The following KIAA1671 variants were observed in gnomAD, a reference collection of about 807,000 sequenced individuals.
KIAA1671 encodes uncharacterized protein KIAA1671.
A neutral mutation model predicts 131.2 loss-of-function variants in KIAA1671; 52 were observed. That is an observed-to-expected ratio of 0.40 (90% CI 0.32 to 0.50). The LOEUF is 0.50. Among genes scored for constraint, KIAA1671 ranks in the 20% least tolerant of loss-of-function variants. KIAA1671 has a pLI of 0.73. For synonymous variants in KIAA1671, 1,003 were observed against 961.6 expected (o/e 1.04, Z -0.80); for missense variants, 2,360 against 2,364.2 (o/e 1.00, Z 0.04).
At position 25,093,908 on chromosome 22, in the gene KIAA1671, TCTGCTC is replaced by T. The variant is rs1259718182; in HGVS notation, c.4530+44548_4530+44553del. Among the ~76,000 whole-genome samples the T allele has an allele frequency of 3.6e-4, 50 of 139,098 alleles. 1 individual carries two copies. The highest frequency in any genetic ancestry group is 1.2e-3 in the African/African-American group (44 of 37,442). 91.3% of individuals were successfully genotyped at this position (139,098 alleles called of 152,430 possible). A position where few individuals can be genotyped will look rare whatever the true frequency, so the allele number is the denominator to read the frequency against. ...TCTCCCTTCTGCTTCTGCTTCTGCT[TCTGCTC>T]CTGACAGTGATGCTGGTTTGCAGGC... On this transcript the variant is annotated intron_variant, in intron 6 of 12. Transcript: ENST00000358431.
At chr22:25,067,146 C>T (rs1005062436) in intron 6 of KIAA1671, among the ~76,000 whole-genome samples, 2 of 152,104 alleles carry the variant, frequency 1.3e-5, no homozygotes, top group African/African-American at 4.8e-5. Flanking sequence ...CTGACCACCT[C>T]TGGTTGGGAG....
At chr22:25,072,839 G>C (rs1009374693) in intron 6 of KIAA1671, among the ~76,000 whole-genome samples, 1 of 152,172 alleles carries the variant, frequency 6.6e-6, no homozygotes, top group African/African-American at 2.4e-5. Flanking sequence ...GCCACCGTCA[G>C]ATTTGGTGAC....
At chr22:25,131,879 G>A (rs1206150050) in intron 6 of KIAA1671, among the ~76,000 whole-genome samples, 4 of 152,234 alleles carry the variant, frequency 2.6e-5, no homozygotes, top group African/African-American at 9.6e-5. Flanking sequence ...CTCTGAAGGG[G>A]ATGGCCGGGG....
At chr22:25,156,517 G>A (rs1229561953) in intron 6 of KIAA1671, among the ~76,000 whole-genome samples, 1 of 151,714 alleles carries the variant, frequency 6.6e-6, no homozygotes, top group African/African-American at 2.4e-5. Flanking sequence ...GTATTTGTGT[G>A]TATATATGTG....
intron 6 of KIAA1671, among the ~76,000 whole-genome samples, chr22:25,112,990 G>T (rs1175573959): frequency 6.6e-6 from 1 of 151,992 alleles, no homozygotes; most frequent in Non-Finnish European, 1.5e-5. Context: ...TGGGTTTGGT[G>T]TGAGTGGGCC....
chr22:25,066,185 G>T (rs1213880930), intron 6 of KIAA1671, among the ~76,000 whole-genome samples: 3 of 152,112 alleles, frequency 2.0e-5, no homozygotes, highest in African/African-American at 7.2e-5. Context: ...GTCTGGCTCT[G>T]TCATCCAGGC....
chr22:25,034,723 T>A (rs973726002), intron 4 of KIAA1671, among the ~76,000 whole-genome samples: 1 of 151,958 alleles, frequency 6.6e-6, no homozygotes, highest in Non-Finnish European at 1.5e-5. Context: ...TTTTCTTTTT[T>A]AATTTTTTAA....
intron 1 of KIAA1671, among the ~76,000 whole-genome samples, chr22:24,972,297 C>T (rs1922659692): frequency 6.6e-6 from 1 of 152,176 alleles, no homozygotes; most frequent in Admixed American, 6.5e-5. Context: ...AAACAGTGCT[C>T]ATGAGAGATC....
chr22:25,151,406 G>GT (rs1933035502), intron 6 of KIAA1671, among the ~76,000 whole-genome samples: 1 of 145,004 alleles, frequency 6.9e-6, no homozygotes, highest in Non-Finnish European at 1.5e-5. Context: ...ACAAAGTCCA[G>GT]TTATACAACA....
chr22:25,031,706 T>G (rs1326519049), intron 3 of KIAA1671, among the ~76,000 whole-genome samples: 1 of 152,138 alleles, frequency 6.6e-6, no homozygotes, highest in East Asian at 1.9e-4. Context: ...AATTAAGATA[T>G]CAGAGAAGGA....
At chr22:25,134,128 C>A (rs111658382) in intron 6 of KIAA1671, among the ~76,000 whole-genome samples, 2 of 152,354 alleles carry the variant, frequency 1.3e-5, no homozygotes, top group African/African-American at 4.8e-5. Context: ...TTGCTGCCCT[C>A]CCCTGTGACT....
chr22:25,082,246 T>G (rs1356987030), intron 6 of KIAA1671, among the ~76,000 whole-genome samples: 1 of 152,184 alleles, frequency 6.6e-6, no homozygotes, highest in East Asian at 1.9e-4. Flanking sequence ...TTGAAATGCA[T>G]TAACTTATCT....
intron 10 of KIAA1671, among the ~76,000 whole-genome samples, chr22:25,182,341 CT>C (rs1934321333): frequency 1.4e-5 from 1 of 73,846 alleles, no homozygotes. Flanking sequence ...TCTTTCTTTC[CT>C]CCCTCCCTTT....
intron 6 of KIAA1671, among the ~76,000 whole-genome samples, chr22:25,106,006 A>C (rs938043069): frequency 6.6e-6 from 1 of 152,246 alleles, no homozygotes; most frequent in African/African-American, 2.4e-5. Context: ...AATGCCTGGC[A>C]CATAGTAAGT....
chr22:25,083,783 G>A (rs746545163), intron 6 of KIAA1671, among the ~76,000 whole-genome samples: 12 of 152,194 alleles, frequency 7.9e-5, no homozygotes, highest in Non-Finnish European at 1.3e-4. Flanking sequence ...GCCTAGATTG[G>A]AAAAGACCCA....
intron 6 of KIAA1671, among the ~76,000 whole-genome samples, chr22:25,167,924 C>T (rs897357860): frequency 1.3e-5 from 2 of 152,262 alleles, no homozygotes; most frequent in African/African-American, 2.4e-5. Flanking sequence ...GTCAAGTTTG[C>T]GCCTGTGCCC....
At chr22:24,997,044 C>T (rs775904738) in intron 1 of KIAA1671, among the ~76,000 whole-genome samples, 1 of 152,238 alleles carries the variant, frequency 6.6e-6, no homozygotes, top group Non-Finnish European at 1.5e-5. Context: ...CATTCTTACC[C>T]TCCATGCAGT....
chr22:25,150,323 C>T (rs1601359040), intron 6 of KIAA1671, among the ~76,000 whole-genome samples: 1 of 152,220 alleles, frequency 6.6e-6, no homozygotes, highest in Non-Finnish European at 1.5e-5. Context: ...GGCAGCAGAA[C>T]CCCTGGATTC....
intron 6 of KIAA1671, among the ~76,000 whole-genome samples, chr22:25,069,066 G>C (rs1928664524): frequency 6.6e-6 from 1 of 152,156 alleles, no homozygotes; most frequent in Non-Finnish European, 1.5e-5. Flanking sequence ...GGATCCAGGA[G>C]CGTCTGGCTT....
Sources: gnomAD v4.1 joint callset for allele counts (sites outside exome capture counted in the v4.1 genomes callset) on GRCh38, gnomAD v4.1.1 for gene constraint, MANE v1.5 for transcripts, NCBI Gene and HGNC (gene_info 2026-07-23, HGNC 2026-07-21) for gene names.